Variants in CNTNAP2 observed in about 807,000 individuals in gnomAD.
CNTNAP2 encodes contactin associated protein 2.
A neutral mutation model predicts 155.2 loss-of-function variants in CNTNAP2; 98 were observed. The observed-to-expected ratio is 0.63, with a 90% CI of 0.54 to 0.75. CNTNAP2 has a LOEUF of 0.75. CNTNAP2 is among the 30% of genes least tolerant of loss of function. The probability of loss-of-function intolerance (pLI) is 0.00; values close to 1 mark genes in which losing one functional copy is unlikely to be tolerated. For synonymous variants in CNTNAP2, 651 were observed against 631.2 expected, an observed-to-expected ratio of 1.03 and a Z score of -0.47; for missense variants, 1,727 against 1,688.1, an observed-to-expected ratio of 1.02 and a Z score of -0.40.
intron 11 of CNTNAP2, among the ~76,000 whole-genome samples, chr7:147,536,312 G>A (rs959213216): frequency 5.3e-5 from 8 of 152,210 alleles, no homozygotes; most frequent in African/African-American, 1.7e-4. Flanking sequence ...CTGCGAATGT[G>A]CCAGTGAGTA....
At chr7:148,003,942 A>G (rs1413166526) in intron 15 of CNTNAP2, among the ~76,000 whole-genome samples, 1 of 152,218 alleles carries the variant, frequency 6.6e-6, no homozygotes, top group Non-Finnish European at 1.5e-5. Flanking sequence ...TCTTGAATGA[A>G]GATAACAAAA....
At chr7:146,406,833 A>G (rs1291047220) in intron 1 of CNTNAP2, among the ~76,000 whole-genome samples, 1 of 152,370 alleles carries the variant, frequency 6.6e-6, no homozygotes, top group South Asian at 2.1e-4. Context: ...TCATGGCTAC[A>G]CATGCATAGA....
intron 15 of CNTNAP2, among the ~76,000 whole-genome samples, chr7:148,087,143 T>C (rs2116557531): frequency 6.6e-6 from 1 of 152,286 alleles, no homozygotes; most frequent in Middle Eastern, 3.4e-3. Context: ...ACCATTGATT[T>C]CTTTCTACAG....
chr7:146,239,349 G>A (rs1173665157), intron 1 of CNTNAP2, among the ~76,000 whole-genome samples: 4 of 152,066 alleles, frequency 2.6e-5, no homozygotes, highest in African/African-American at 9.7e-5. Flanking sequence ...TGGATAAAAA[G>A]CAAAGTTTTT....
At chr7:147,235,237 T>C (rs1803772561) in intron 8 of CNTNAP2, among the ~76,000 whole-genome samples, 1 of 152,168 alleles carries the variant, frequency 6.6e-6, no homozygotes, top group Admixed American at 6.5e-5. Context: ...TAGGCTTTCC[T>C]GGGTCTCCAG....
intron 3 of CNTNAP2, among the ~76,000 whole-genome samples, chr7:146,905,147 A>G (rs549843152): frequency 2.6e-5 from 4 of 152,120 alleles, no homozygotes; most frequent in Middle Eastern, 3.4e-3. Context: ...GCCCCTACTC[A>G]CGTTGTGACA....
intron 4 of CNTNAP2, among the ~76,000 whole-genome samples, chr7:147,107,673 AAG>A (rs1438766576): frequency 2.0e-5 from 3 of 152,204 alleles, no homozygotes; most frequent in Non-Finnish European, 4.4e-5. Context: ...ATTTAAAAAA[AAG>A]AGAATAGCAT....
At chr7:148,220,079 T>C (rs1795716605) in intron 19 of CNTNAP2, among the ~76,000 whole-genome samples, 1 of 152,214 alleles carries the variant, frequency 6.6e-6, no homozygotes, top group Non-Finnish European at 1.5e-5. Flanking sequence ...AGTCAAAGAT[T>C]CATCATGAAG....
intron 8 of CNTNAP2, among the ~76,000 whole-genome samples, chr7:147,184,918 T>C (rs979536950): frequency 1.3e-5 from 2 of 152,116 alleles, no homozygotes; most frequent in Non-Finnish European, 2.9e-5. Flanking sequence ...AAATCAAAGC[T>C]AAAACATTGG....
At chr7:148,123,631 A>AGAAGGAAG (rs1416737483) in intron 16 of CNTNAP2, among the ~76,000 whole-genome samples, 109 of 95,424 alleles carry the variant, frequency 1.1e-3, no homozygotes, top group African/African-American at 3.8e-3. Flanking sequence ...AGGAAGGGAG[A>AGAAGGAAG]GCAGGAAGGA....
At chr7:147,191,944 C>T (rs1341087378) in intron 8 of CNTNAP2, among the ~76,000 whole-genome samples, 3 of 152,156 alleles carry the variant, frequency 2.0e-5, no homozygotes, top group Non-Finnish European at 4.4e-5. Context: ...TTGTAAGCTA[C>T]GCTGCCAAAA....
Position 146,926,276 on chromosome 7 carries a change from T to C in CNTNAP2, c.402+86372T>C, listed in dbSNP as rs545336851. Among the ~76,000 whole-genome samples the C allele has an allele frequency of 1.7e-4, 26 of 152,180 alleles. No individual in the cohort carries two copies. In the East Asian group the frequency reaches 5.0e-3, roughly 29 times the overall value. On this transcript the variant is annotated intron_variant, in intron 3 of 23. Coordinates refer to ENST00000361727, the MANE Select transcript of CNTNAP2 (RefSeq NM_014141.6). ...TTGTGTGTGTGTGTGTGTGATTCAT[T>C]GACAATATAACAAAAATTTTAACTT...
chr7:147,512,525 A>G (rs1437562818), intron 11 of CNTNAP2, among the ~76,000 whole-genome samples: 1 of 152,180 alleles, frequency 6.6e-6, no homozygotes, highest in Non-Finnish European at 1.5e-5. Context: ...TTTTCTCATA[A>G]CTAAAGATCA....
intron 14 of CNTNAP2, among the ~76,000 whole-genome samples, chr7:147,943,765 TCAAA>T (rs1800769714): frequency 5.0e-5 from 1 of 20,008 alleles, no homozygotes; most frequent in African/African-American, 1.7e-4. Flanking sequence ...AGACCCCGTC[TCAAA>T]AAAAAAAAAA....
chr7:147,087,719 G>C (rs555025762), intron 4 of CNTNAP2, among the ~76,000 whole-genome samples: 3 of 152,144 alleles, frequency 2.0e-5, no homozygotes, highest in African/African-American at 7.2e-5. Flanking sequence ...GCTCATGCCT[G>C]TAATCCCAGC....
intron 1 of CNTNAP2, among the ~76,000 whole-genome samples, chr7:146,344,770 C>A (rs1252397432): frequency 3.3e-5 from 5 of 152,192 alleles, no homozygotes. Context: ...AGCCACTGCT[C>A]CCGGCCAACT....
intron 13 of CNTNAP2, among the ~76,000 whole-genome samples, chr7:147,817,881 G>T (rs1447180217): frequency 1.4e-4 from 20 of 147,964 alleles, no homozygotes; most frequent in Non-Finnish European, 2.7e-4. Flanking sequence ...CTCCAGCCTG[G>T]GCAACAGAGC....
chr7:148,082,505 TCAGAGACG>T (rs2116549936), intron 15 of CNTNAP2, among the ~76,000 whole-genome samples: 1 of 152,108 alleles, frequency 6.6e-6, no homozygotes, highest in South Asian at 2.1e-4. Flanking sequence ...AGGAGTGTGG[TCAGAGACG>T]CAAAAGGCAT....
At chr7:147,651,561 G>A (rs975694642) in intron 13 of CNTNAP2, among the ~76,000 whole-genome samples, 1 of 152,118 alleles carries the variant, frequency 6.6e-6, no homozygotes, top group Non-Finnish European at 1.5e-5. Context: ...TGCCTCTCTA[G>A]GTCAGCATAG....
Sources: allele counts gnomAD v4.1 joint callset (sites outside exome capture counted in the v4.1 genomes callset), GRCh38; gene constraint gnomAD v4.1.1; transcripts MANE v1.5; gene names NCBI Gene and HGNC (gene_info 2026-07-23, HGNC 2026-07-21).